OSBPL10: variants seen among roughly 807,000 people sequenced by gnomAD.
The protein encoded by OSBPL10 is oxysterol binding protein like 10.
In OSBPL10, 49 loss-of-function variants were observed where a neutral mutation model predicts 81.7. The ratio of observed to expected loss-of-function variants is 0.60; its 90% CI spans 0.48 to 0.76. The LOEUF (loss-of-function observed/expected upper bound fraction) is 0.76, where lower values mean the gene tolerates loss of function less well. Among genes scored for constraint, OSBPL10 ranks in the 30% least tolerant of loss-of-function variants. OSBPL10 has a pLI of 0.00. For synonymous variants in OSBPL10, 419 were observed against 383.6 expected (o/e 1.09, Z -1.08); for missense variants, 923 against 987.8 (o/e 0.93, Z 0.88).
At chr3:31,987,423 C>T (rs1424171880) in intron 2 of OSBPL10, among the ~76,000 whole-genome samples, 3 of 152,220 alleles carry the variant, frequency 2.0e-5, no homozygotes, top group Non-Finnish European at 4.4e-5. Context: ...TAACCTTTTA[C>T]ATTAGTTTAA....
intron 6 of OSBPL10, among the ~76,000 whole-genome samples, chr3:31,709,534 T>C (rs1696187457): frequency 1.3e-5 from 2 of 152,212 alleles, no homozygotes; most frequent in African/African-American, 4.8e-5. Flanking sequence ...TTGTCTAATT[T>C]CTACATTTCT....
At chr3:31,995,589 T>A (rs1409588622) in intron 2 of OSBPL10, among the ~76,000 whole-genome samples, 1 of 152,246 alleles carries the variant, frequency 6.6e-6, no homozygotes, top group Non-Finnish European at 1.5e-5. Flanking sequence ...TACAATCAAT[T>A]TGTACAGTTA....
At chr3:31,939,038 T>C (rs937739495) in intron 1 of OSBPL10, among the ~76,000 whole-genome samples, 2 of 152,106 alleles carry the variant, frequency 1.3e-5, no homozygotes, top group Non-Finnish European at 2.9e-5. Flanking sequence ...AGCTCAGAAC[T>C]CTATCCACAC....
chr3:31,765,113 C>T (rs1019874189), intron 4 of OSBPL10, among the ~76,000 whole-genome samples: 24 of 152,122 alleles, frequency 1.6e-4, no homozygotes, highest in African/African-American at 5.8e-4. Flanking sequence ...TGCCTCCTGG[C>T]CTCAGATAGT....
At chr3:31,967,754 A>T (rs967784631) in intron 1 of OSBPL10, among the ~76,000 whole-genome samples, 1 of 152,208 alleles carries the variant, frequency 6.6e-6, no homozygotes, top group Non-Finnish European at 1.5e-5. Context: ...TCACACACTC[A>T]GGCAATTTCA....
intron 5 of OSBPL10, among the ~76,000 whole-genome samples, chr3:31,735,896 CCTT>C (rs1257362590): frequency 6.6e-6 from 1 of 152,176 alleles, no homozygotes; most frequent in Non-Finnish European, 1.5e-5. Flanking sequence ...AATGTCAGCT[CCTT>C]GAGGACAAGA....
At chr3:31,951,270 GA>G (rs150863728) in intron 1 of OSBPL10, among the ~76,000 whole-genome samples, 15 of 144,304 alleles carry the variant, frequency 1.0e-4, no homozygotes, top group South Asian at 4.4e-4. Context: ...AACAAAACGG[GA>G]AAAAAAAAAG....
chr3:32,001,564 G>T (rs1210745972), intron 2 of OSBPL10, among the ~76,000 whole-genome samples: 1 of 152,122 alleles, frequency 6.6e-6, no homozygotes, highest in Non-Finnish European at 1.5e-5. Context: ...GTAAAAACTG[G>T]TGCAAATAAG....
chr3:32,031,242 A>C (rs1428588402), intron 2 of OSBPL10, among the ~76,000 whole-genome samples: 3 of 152,154 alleles, frequency 2.0e-5, no homozygotes, highest in Non-Finnish European at 4.4e-5. Flanking sequence ...AAAAGACTTC[A>C]CTATTTTACA....
chr3:31,748,130 A>C lies in OSBPL10; in HGVS notation c.730-10T>G. The stretch of plus-strand genomic sequence containing the variant: ...CCACCTGGTTCATCATCTACAAAAC[A>C]AGAAGACAGTAAGGAGGTGAGGGGC... On this transcript the variant is annotated splice_polypyrimidine_tract_variant and intron_variant, in intron 4 of 11. Coordinates refer to ENST00000396556, the MANE Select transcript of OSBPL10 (RefSeq NM_017784.5). 6.2e-6 allele frequency: 10 copies of C among 1,606,650 alleles called. No individual in the cohort carries two copies. The highest frequency in any genetic ancestry group is 7.7e-6 in the Non-Finnish European group (9 of 1,176,108).
At chr3:31,963,796 G>C (rs1020413614) in intron 1 of OSBPL10, among the ~76,000 whole-genome samples, 5 of 151,616 alleles carry the variant, frequency 3.3e-5, no homozygotes, top group South Asian at 2.1e-4. Context: ...ATGCTTTCTT[G>C]TAACAAAATT....
intron 3 of OSBPL10, among the ~76,000 whole-genome samples, chr3:31,865,047 G>A (rs1394714078): frequency 6.6e-6 from 1 of 152,120 alleles, no homozygotes; most frequent in African/African-American, 2.4e-5. Flanking sequence ...AAGAAGACCA[G>A]GACTCCCAAC....
chr3:31,913,434 G>A (rs1476372768), intron 1 of OSBPL10, among the ~76,000 whole-genome samples: 1 of 152,058 alleles, frequency 6.6e-6, no homozygotes, highest in Non-Finnish European at 1.5e-5. Flanking sequence ...ATTTTTAGTA[G>A]AGATGGGGTT....
At chr3:31,732,318 G>A (rs968394583) in intron 6 of OSBPL10, among the ~76,000 whole-genome samples, 7 of 152,120 alleles carry the variant, frequency 4.6e-5, no homozygotes, top group African/African-American at 1.2e-4. Flanking sequence ...ATCACTGTCC[G>A]AGAATATAAT....
chr3:31,702,483 A>G lies in OSBPL10; in HGVS notation c.1121T>C (p.Leu374Ser), dbSNP rs1450258372. Reference sequence around the variant, plus strand: ...ATTGTCACTTTTTTCATCTTCAGACAAAACCAATTCAGAGCCTGAGTTTGG... The same window carrying G: ...ATTGTCACTTTTTTCATCTTCAGACGAAACCAATTCAGAGCCTGAGTTTGG... ...PEPNSGSELV[L>S]SEDEKSDNED... Residue 374 changes from leucine (L) to serine (S), a missense_variant, in exon 7 of 12, where the codon TTG becomes TCG. Leu to Ser is a moderately radical substitution (Grantham distance 145). Transcript: ENST00000396556. 1 of 1,614,250 alleles carries G rather than the reference A, an allele frequency of 6.2e-7. No homozygotes were observed. The highest frequency in any genetic ancestry group is 2.2e-5 in the East Asian group (1 of 44,892).
chr3:32,038,536 G>T (rs988775048), intron 2 of OSBPL10, among the ~76,000 whole-genome samples: 1 of 152,132 alleles, frequency 6.6e-6, no homozygotes, highest in Non-Finnish European at 1.5e-5. Flanking sequence ...TGGTCAGGCT[G>T]GTCTCAAACT....
chr3:31,718,311 TAG>T (rs1696519470), intron 6 of OSBPL10: 1 of 152,190 alleles, frequency 6.6e-6, no homozygotes, highest in Non-Finnish European at 1.5e-5. Flanking sequence ...GTATTTTTAG[TAG>T]AGACAGGGTT....
chr3:31,966,554 A>T (rs1698409523), intron 1 of OSBPL10, among the ~76,000 whole-genome samples: 1 of 152,058 alleles, frequency 6.6e-6, no homozygotes, highest in Non-Finnish European at 1.5e-5. Context: ...ACTGATAAAA[A>T]CAAAAAGAAA....
At chr3:31,902,620 T>C (rs1006436306) in intron 1 of OSBPL10, among the ~76,000 whole-genome samples, 7 of 152,090 alleles carry the variant, frequency 4.6e-5, no homozygotes, top group African/African-American at 1.7e-4. Flanking sequence ...TGGAGTGCAG[T>C]GGCGCAATCT....
Sources: gnomAD v4.1 joint callset for allele counts (sites outside exome capture counted in the v4.1 genomes callset) on GRCh38, gnomAD v4.1.1 for gene constraint, MANE v1.5 for transcripts, NCBI Gene and HGNC (gene_info 2026-07-23, HGNC 2026-07-21) for gene names.